Variants in JAK2 observed in about 807,000 individuals in gnomAD.
JAK2 encodes the protein Janus kinase 2.
Under a neutral mutation model 139.3 loss-of-function variants are expected in JAK2, and 86 were observed. That is an observed-to-expected ratio of 0.62 (90% CI 0.52 to 0.74). JAK2 has a LOEUF of 0.74. Among genes scored for constraint, JAK2 ranks in the 30% least tolerant of loss-of-function variants. The pLI is 0.00. For synonymous variants in JAK2, 490 were observed against 437.7 expected, an observed-to-expected ratio of 1.12 and a Z score of -1.49; for missense variants, 1,421 against 1,360.3, an observed-to-expected ratio of 1.04 and a Z score of -0.70.
chr9:5,006,224 G>T (rs970423442), intron 2 of JAK2, among the ~76,000 whole-genome samples: 22 of 152,184 alleles, frequency 1.4e-4, no homozygotes, highest in African/African-American at 4.1e-4. Context: ...CTTGTAAGTT[G>T]GATTCCTAGG....
chr9:5,004,613 G>T (rs1158016875), intron 2 of JAK2, among the ~76,000 whole-genome samples: 1 of 152,070 alleles, frequency 6.6e-6, no homozygotes, highest in Non-Finnish European at 1.5e-5. Flanking sequence ...TGTAGATATT[G>T]CTTTGACATA....
At chr9:4,997,658 G>A (rs1234751855) in intron 2 of JAK2, among the ~76,000 whole-genome samples, 1 of 152,174 alleles carries the variant, frequency 6.6e-6, no homozygotes, top group East Asian at 1.9e-4. Context: ...CAACCTTGCT[G>A]TACCCCTCAG....
chr9:5,114,119 G>C lies in JAK2; in HGVS notation c.3060-8885G>C, dbSNP rs942568411. On this transcript the variant is annotated intron_variant, in intron 22 of 24. Coordinates refer to ENST00000381652, the MANE Select transcript of JAK2 (RefSeq NM_004972.4). The stretch of plus-strand genomic sequence containing the variant: ...TGCCCGACCACACCTACACCTGCCA[G>C]GTCACCTATCAAGGTAACACCTTTG... The C allele has an allele frequency of 1.1e-5, 4 of 359,616 alleles. No individual in the cohort carries two copies. The South Asian group carries it at 1.1e-4, about 10-fold the overall frequency. 22.3% of individuals were successfully genotyped at this position (359,616 alleles called of 1,614,324 possible).
chr9:5,040,622 A>G lies in JAK2; in HGVS notation c.351-3781A>G, dbSNP rs150350476. ...AGAATTCTTACAGCTCAACAAGACAATGACAACTTAATTTAAAAAGTAGGC... is the reference window on the plus strand; with the variant it reads ...AGAATTCTTACAGCTCAACAAGACAGTGACAACTTAATTTAAAAAGTAGGC... On this transcript the variant is annotated intron_variant, in intron 4 of 24. Transcript: ENST00000381652. Among the ~76,000 whole-genome samples, 512 of 152,386 alleles carry G rather than the reference A, an allele frequency of 3.4e-3. 2 individuals are homozygous for G. Among genetic ancestry groups the G allele is most frequent in the African/African-American group, 0.012 (487 of 41,592 alleles).
intron 22 of JAK2, chr9:5,094,593 C>T (rs1820837846): frequency 6.6e-6 from 1 of 152,128 alleles, no homozygotes; most frequent in African/African-American, 2.4e-5. Context: ...ACTCTGACCG[C>T]TCCTACCATC....
chr9:5,007,331 A>G (rs1821373711), intron 2 of JAK2, among the ~76,000 whole-genome samples: 1 of 152,072 alleles, frequency 6.6e-6, no homozygotes, highest in Non-Finnish European at 1.5e-5. Flanking sequence ...TCTTTGTACC[A>G]TGGGTTCTAT....
chr9:5,118,509 A>G (rs1431694503), intron 22 of JAK2, among the ~76,000 whole-genome samples: 1 of 152,242 alleles, frequency 6.6e-6, no homozygotes. Flanking sequence ...TGTAAATAAC[A>G]AATTTGGATA....
At chr9:5,114,425 C>G in intron 22 of JAK2, 2 of 494,614 alleles carry the variant, frequency 4.0e-6, no homozygotes, top group South Asian at 1.8e-5. Flanking sequence ...AGGGGGAGAC[C>G]TACCAGTGCA....
At chr9:5,039,167 C>G (rs995966968) in intron 4 of JAK2, among the ~76,000 whole-genome samples, 1 of 151,674 alleles carries the variant, frequency 6.6e-6, no homozygotes, top group Non-Finnish European at 1.5e-5. Flanking sequence ...GGAAATTAGG[C>G]AAGAAAAAGA....
intron 2 of JAK2, among the ~76,000 whole-genome samples, chr9:4,992,979 A>G (rs1820345578): frequency 6.6e-6 from 1 of 152,114 alleles, no homozygotes; most frequent in Non-Finnish European, 1.5e-5. Flanking sequence ...CACCCAACCC[A>G]TATAAATTGC....
At chr9:5,072,470 C>A in intron 12 of JAK2, 22 bp from the exon 13 acceptor site, 1 of 1,496,104 alleles carries the variant, frequency 6.7e-7, no homozygotes, top group Admixed American at 2.2e-5. Context: ...TCATTCTTTT[C>A]TTTTACCTTT....
At chr9:5,015,056 C>G (rs573456878) in intron 2 of JAK2, among the ~76,000 whole-genome samples, 2 of 152,238 alleles carry the variant, frequency 1.3e-5, no homozygotes, top group African/African-American at 4.8e-5. Context: ...CTATAATTTA[C>G]TGCTTTTGCA....
intron 2 of JAK2, among the ~76,000 whole-genome samples, chr9:5,019,998 C>A (rs567721843): frequency 6.6e-6 from 1 of 152,266 alleles, no homozygotes; most frequent in South Asian, 2.1e-4. Context: ...TGGGTCCAGG[C>A]AGTCCAATTT....
intron 19 of JAK2, among the ~76,000 whole-genome samples, chr9:5,083,550 G>T (rs775727001): frequency 3.3e-5 from 5 of 152,066 alleles, no homozygotes; most frequent in Non-Finnish European, 7.4e-5. Context: ...ACAGTCTTCT[G>T]TTGTTTATTA....
At chr9:4,988,876 T>A (rs1415777633) in intron 2 of JAK2, among the ~76,000 whole-genome samples, 1 of 152,212 alleles carries the variant, frequency 6.6e-6, no homozygotes, top group Non-Finnish European at 1.5e-5. Flanking sequence ...AAACTACTTC[T>A]TTCATTTACC....
intron 22 of JAK2, among the ~76,000 whole-genome samples, chr9:5,095,962 A>T (rs1820954469): frequency 6.6e-6 from 1 of 152,204 alleles, no homozygotes; most frequent in African/African-American, 2.4e-5. Context: ...AGTTTCACTA[A>T]TTCTACTATC....
At chr9:5,044,707 A>G (rs1334004561) in intron 5 of JAK2, among the ~76,000 whole-genome samples, 187 bp downstream of exon 5, 1 of 151,664 alleles carries the variant, frequency 6.6e-6, no homozygotes, top group African/African-American at 2.4e-5. Context: ...TATGGATAAT[A>G]GAATCTATTT....
chr9:4,995,478 G>T (rs1450390282), intron 2 of JAK2, among the ~76,000 whole-genome samples: 1 of 152,148 alleles, frequency 6.6e-6, no homozygotes, highest in Non-Finnish European at 1.5e-5. Context: ...TCCCCTAGAT[G>T]GTTGTCCAGT....
intron 22 of JAK2, among the ~76,000 whole-genome samples, chr9:5,107,596 T>C (rs62543879): frequency 0.024 from 3,629 of 152,232 alleles, 67 homozygotes; most frequent in Non-Finnish European, 0.038. Context: ...TCAAAAGAAA[T>C]GATTTCGATT....
Sources: gnomAD v4.1 joint callset for allele counts (sites outside exome capture counted in the v4.1 genomes callset) on GRCh38, gnomAD v4.1.1 for gene constraint, MANE v1.5 for transcripts, NCBI Gene and HGNC (gene_info 2026-07-23, HGNC 2026-07-21) for gene names.